Variants in SAMD12 observed in about 807,000 individuals in gnomAD.
SAMD12 encodes sterile alpha motif domain containing 12.
In SAMD12, 9 loss-of-function variants were observed where a neutral mutation model predicts 15.0. That is an observed-to-expected ratio of 0.60 (90% CI 0.36 to 1.05). The LOEUF (loss-of-function observed/expected upper bound fraction) is 1.05, where lower values mean the gene tolerates loss of function less well. Among genes scored for constraint, SAMD12 ranks in the 50% least tolerant of loss-of-function variants. The pLI, the probability that SAMD12 is intolerant of heterozygous loss-of-function variation, is 0.01. For synonymous variants in SAMD12, 86 were observed against 90.1 expected (o/e 0.96, Z 0.25); for missense variants, 230 against 234.2 (o/e 0.98, Z 0.12).
chr8:118,486,270 G>A (rs1166327642), intron 2 of SAMD12, among the ~76,000 whole-genome samples: 1 of 152,048 alleles, frequency 6.6e-6, no homozygotes, highest in Non-Finnish European at 1.5e-5. Context: ...AAAAAAATTA[G>A]TCGGGTGTAG....
chr8:118,464,126 T>C (rs1173576871), intron 2 of SAMD12, among the ~76,000 whole-genome samples: 1 of 152,192 alleles, frequency 6.6e-6, no homozygotes, highest in Admixed American at 6.5e-5. Context: ...TCCTTTACCT[T>C]CTGGCCTTGC....
intron 2 of SAMD12, among the ~76,000 whole-genome samples, chr8:118,515,185 A>ATTTTTTTTTTTTTTTTTT (rs55864364): frequency 2.9e-5 from 3 of 103,314 alleles, no homozygotes; most frequent in African/African-American, 3.9e-5. Flanking sequence ...CGCCCAGCTA[A>ATTTTTTTTTTTTTTTTTT]TTTTTTTTTT....
rs150926792 is a variant in SAMD12, at chr8:118,608,752, C to T, written c.13+13052G>A. On this transcript the variant is annotated intron_variant, in intron 1 of 3. Transcript: ENST00000314727. ...CTCCAGACCTCAGGTAATCTGCCCG[C>T]CTGGGCTTCCCAAAGTGCTGAAAGG... 1.8e-4 allele frequency among the ~76,000 whole-genome samples: 28 copies of T among 152,234 alleles called. No individual in the cohort carries two copies. The East Asian group carries it at 5.2e-3, about 28-fold the overall frequency.
intron 2 of SAMD12, among the ~76,000 whole-genome samples, chr8:118,535,537 C>A (rs183283688): frequency 6.6e-6 from 1 of 152,218 alleles, no homozygotes; most frequent in Non-Finnish European, 1.5e-5. Context: ...CTATGCCCTG[C>A]CCCCAGAGGT....
intron 2 of SAMD12, among the ~76,000 whole-genome samples, chr8:118,573,197 G>A (rs1284481355): frequency 6.6e-6 from 1 of 152,112 alleles, no homozygotes; most frequent in Non-Finnish European, 1.5e-5. Context: ...CGATTCTCCT[G>A]CCTCAGCTTC....
At chr8:118,433,537 C>T (rs12679866) in intron 3 of SAMD12, among the ~76,000 whole-genome samples, 88,485 of 151,632 alleles carry the variant, frequency 0.58, 26,731 homozygotes, top group Admixed American at 0.66. Flanking sequence ...GTTTTAAGAA[C>T]GCTGAGAAAT....
At chr8:118,338,066 A>C (rs1170583459) in intron 4 of SAMD12, among the ~76,000 whole-genome samples, 1 of 152,246 alleles carries the variant, frequency 6.6e-6, no homozygotes, top group East Asian at 1.9e-4. Flanking sequence ...TTAACAATGT[A>C]GCACCTATCT....
At chr8:118,154,662 C>T in the SAMD12 span, among the ~76,000 whole-genome samples, 88 of 152,266 alleles carry the variant, frequency 5.8e-4, no homozygotes, top group African/African-American at 2.0e-3. Flanking sequence ...TTTTAGTATA[C>T]ACCAAGAATC....
intron 3 of SAMD12, among the ~76,000 whole-genome samples, chr8:118,422,141 A>G (rs1279206880): frequency 9.2e-5 from 14 of 152,218 alleles, no homozygotes; most frequent in Non-Finnish European, 2.9e-5. Flanking sequence ...GTTCAGTGCT[A>G]AGACTATCAA....
At chr8:118,467,954 C>T (rs1823645189) in intron 2 of SAMD12, among the ~76,000 whole-genome samples, 1 of 152,182 alleles carries the variant, frequency 6.6e-6, no homozygotes, top group Non-Finnish European at 1.5e-5. Context: ...CAATGTGGCA[C>T]CATGCCACAG....
intron 3 of SAMD12, among the ~76,000 whole-genome samples, chr8:118,390,305 G>A (rs1277179179): frequency 6.6e-6 from 1 of 152,120 alleles, no homozygotes; most frequent in Non-Finnish European, 1.5e-5. Flanking sequence ...ACTGCACCCG[G>A]CCCAAATTTA....
chr8:118,583,755 GTC>G (rs1320883327), intron 1 of SAMD12, among the ~76,000 whole-genome samples: 13 of 152,124 alleles, frequency 8.5e-5, no homozygotes, highest in Admixed American at 8.5e-4. Flanking sequence ...CCTTTTAGGA[GTC>G]TCTGGCTACC....
rs369472844 is a variant in SAMD12 at position 118,611,622 on chromosome 8, AATC to A, written c.13+10179_13+10181del. 7.1e-4 allele frequency among the ~76,000 whole-genome samples: 108 copies of A among 152,312 alleles called. 1 individual carries two copies. Among genetic ancestry groups the A allele is most frequent in the African/African-American group, 2.3e-3 (97 of 41,564 alleles). On this transcript the variant is annotated intron_variant, in intron 1 of 3. Transcript: ENST00000314727. ...GTACATCTGTGGGAGCCTTGTTAATAATCATGTTTTTCCTCCATGTACTGCACA... is the reference window on the plus strand; with the variant it reads ...GTACATCTGTGGGAGCCTTGTTAATAATGTTTTTCCTCCATGTACTGCACA...
At chr8:118,182,921 C>A in the SAMD12 span, among the ~76,000 whole-genome samples, 425 of 152,290 alleles carry the variant, frequency 2.8e-3, no homozygotes, top group Non-Finnish European at 4.5e-3. Context: ...TTCATTATAT[C>A]TTCAACTTCA....
At chr8:118,388,105 A>G (rs1313855013) in intron 3 of SAMD12, among the ~76,000 whole-genome samples, 1 of 152,192 alleles carries the variant, frequency 6.6e-6, no homozygotes, top group Non-Finnish European at 1.5e-5. Context: ...AAAAATCAAG[A>G]TGGTTAGTAG....
chr8:118,414,811 AC>A (rs1821599998), intron 3 of SAMD12, among the ~76,000 whole-genome samples: 1 of 152,206 alleles, frequency 6.6e-6, no homozygotes, highest in African/African-American at 2.4e-5. Flanking sequence ...TGTTCTCCTG[AC>A]CTAGTGGCGA....
chr8:118,455,743 T>C (rs1823228005), intron 2 of SAMD12, among the ~76,000 whole-genome samples: 1 of 152,196 alleles, frequency 6.6e-6, no homozygotes, highest in Non-Finnish European at 1.5e-5. Flanking sequence ...AAATCTGCTC[T>C]CCCACCAGTT....
At chr8:118,230,313 T>C (rs1461559281) in intron 4 of SAMD12, among the ~76,000 whole-genome samples, 1 of 151,796 alleles carries the variant, frequency 6.6e-6, no homozygotes, top group East Asian at 1.9e-4. Flanking sequence ...GCTAATCAGA[T>C]ATTGAAGCGG....
intron 2 of SAMD12, among the ~76,000 whole-genome samples, chr8:118,522,325 CTT>C (rs1375345437): frequency 6.6e-6 from 1 of 152,064 alleles, no homozygotes; most frequent in East Asian, 1.9e-4. Context: ...CTCCGAATGG[CTT>C]TGTGGGCAGG....
Sources: allele counts gnomAD v4.1 joint callset (sites outside exome capture counted in the v4.1 genomes callset), GRCh38; gene constraint gnomAD v4.1.1; transcripts MANE v1.5; gene names NCBI Gene and HGNC (gene_info 2026-07-23, HGNC 2026-07-21).